The following INO80D variants were observed in gnomAD, a reference collection of about 807,000 sequenced individuals.
The protein encoded by INO80D is INO80 complex subunit D.
INO80D carries 21 observed loss-of-function variants against 87.6 expected under a neutral mutation model. The ratio of observed to expected loss-of-function variants is 0.24; its 90% CI spans 0.17 to 0.35. The LOEUF is 0.35. INO80D is among the 10% of genes least tolerant of loss of function. INO80D has a pLI of 1.00. For synonymous variants in INO80D, 440 were observed against 491.0 expected (o/e 0.90, Z 1.37); for missense variants, 982 against 1,280.7 (o/e 0.77, Z 3.56).
At chr2:206,006,410 C>T (rs1458760333) in intron 10 of INO80D, among the ~76,000 whole-genome samples, 4 of 152,124 alleles carry the variant, frequency 2.6e-5, no homozygotes, top group African/African-American at 9.7e-5. Context: ...CGGCTGGGCG[C>T]GGTGGCTCGT....
Position 206,009,585 on chromosome 2 carries a change from A to G in INO80D, c.1752T>C (p.Ser584=). ...CCAGTGGCACCACTGACCGGATGTGAGAGGCCTCCACTGGCAGTGAGACGC... is the reference window on the plus strand; with the variant it reads ...CCAGTGGCACCACTGACCGGATGTGGGAGGCCTCCACTGGCAGTGAGACGC... ...PASVSLPVEA[S]HIRSPSTPEL... Residue 584 remains serine (S), a synonymous_variant, in exon 9 of 11, where the codon TCT becomes TCC. Transcript: ENST00000403263. The G allele has an allele frequency of 6.2e-7, 1 of 1,611,368 alleles. No homozygotes were observed. Among genetic ancestry groups the G allele is most frequent in the African/African-American group, 1.3e-5 (1 of 74,866 alleles).
intron 1 of INO80D, among the ~76,000 whole-genome samples, chr2:206,083,031 A>C (rs1320610497): frequency 6.6e-6 from 1 of 152,224 alleles, no homozygotes; most frequent in Non-Finnish European, 1.5e-5. Context: ...ACTAACACTT[A>C]ATAATAAAAA....
At position 206,009,670 on chromosome 2, in the gene INO80D, C is replaced by T. The variant is rs754612132; in HGVS notation, c.1667G>A (p.Arg556His). 9 of 1,613,814 alleles carry T rather than the reference C, an allele frequency of 5.6e-6. No individual in the cohort carries two copies. The East Asian group carries it at 6.7e-5, about 12-fold the overall frequency. The change falls in exon 9 of 11, where the codon CGT becomes CAT. Residue 556 changes from arginine (R) to histidine (H), a missense_variant. Physicochemically the swap from Arg to His is conservative, Grantham distance 29. Transcript: ENST00000403263. ...AGGTGGAATGGGTTTTTGGGGTCGA[C>T]GAGGTCCACGCCTTCTCTTCTTCTT... ...KHKKKRRRGP[R>H]RPQKPIPPAV...
At chr2:206,005,566 A>G in intron 10 of INO80D, 33 bp from the exon 11 acceptor site, 1 of 1,486,616 alleles carries the variant, frequency 6.7e-7, no homozygotes, top group Non-Finnish European at 9.2e-7. Context: ...CAATCAGTAG[A>G]GCTTTTACCA....
chr2:206,080,871 C>T (rs571732717), intron 1 of INO80D, among the ~76,000 whole-genome samples: 39 of 133,140 alleles, frequency 2.9e-4, no homozygotes, highest in Middle Eastern at 9.2e-3. Flanking sequence ...CCACTGCACT[C>T]CAGCCTGGGC....
intron 3 of INO80D, among the ~76,000 whole-genome samples, chr2:206,058,076 A>G (rs1425392672): frequency 1.3e-5 from 2 of 152,092 alleles, no homozygotes; most frequent in Admixed American, 6.5e-5. Flanking sequence ...CTGTGTGGGC[A>G]TTGAAAAGTT....
In INO80D at chr2:206,004,344, C is replaced by G. The variant is rs1398384686; in HGVS notation, c.*24G>C. 8.3e-6 allele frequency: 13 copies of G among 1,560,736 alleles called. No homozygotes were observed. Among genetic ancestry groups the G allele is most frequent in the Non-Finnish European group, 1.1e-5 (13 of 1,149,710 alleles). On this transcript the variant is annotated 3_prime_UTR_variant, in exon 11 of 11. Coordinates refer to ENST00000403263, the MANE Select transcript of INO80D (RefSeq NM_017759.5). This position sits in a 1 kb window ranked among gnomAD's most constrained non-coding sequence, Gnocchi z 4.9. ...AGATAGAAAACACTGGGTTCCCCACCTGCCTGCAAACACACAGACACCCTC... is the reference window on the plus strand; with the variant it reads ...AGATAGAAAACACTGGGTTCCCCACGTGCCTGCAAACACACAGACACCCTC...
intron 3 of INO80D, among the ~76,000 whole-genome samples, chr2:206,061,425 T>G (rs997775307): frequency 6.6e-6 from 1 of 152,226 alleles, no homozygotes. Flanking sequence ...GTGTTTACGA[T>G]GGGGCTTGAT....
intron 1 of INO80D, among the ~76,000 whole-genome samples, chr2:206,065,642 C>A (rs988180011): frequency 6.6e-6 from 1 of 152,028 alleles, no homozygotes; most frequent in African/African-American, 2.4e-5. Flanking sequence ...ATTGAACCAA[C>A]AAGGGATTAA....
intron 6 of INO80D, among the ~76,000 whole-genome samples, chr2:206,021,299 T>C (rs1365013946): frequency 6.6e-6 from 1 of 152,188 alleles, no homozygotes; most frequent in Admixed American, 6.5e-5. Context: ...TATAAATACT[T>C]CTACCGTAGT....
At chr2:206,060,633 T>G (rs2105888114) in intron 3 of INO80D, among the ~76,000 whole-genome samples, 1 of 150,736 alleles carries the variant, frequency 6.6e-6, no homozygotes, top group East Asian at 2.0e-4. Context: ...CGATCTCCGC[T>G]CACTGCAACC....
rs961970569 is a variant in INO80D, at chr2:206,062,776, T to G, written c.218+23A>C. The G allele has an allele frequency of 2.6e-6, 4 of 1,567,226 alleles. No individual in the cohort carries two copies. The highest frequency in any genetic ancestry group is 3.5e-6 in the Non-Finnish European group (4 of 1,156,456). On this transcript the variant is annotated intron_variant, in intron 3 of 10. Coordinates refer to ENST00000403263, the MANE Select transcript of INO80D (RefSeq NM_017759.5). This position sits in a 1 kb window ranked among gnomAD's most constrained non-coding sequence, Gnocchi z 4.6. ...CAAGCCTGTTAATGAAATCAAGGAT[T>G]GATTCTCATGATTAGCCCTTACCTA...
intron 5 of INO80D, among the ~76,000 whole-genome samples, chr2:206,030,327 G>A (rs1029044414): frequency 6.6e-6 from 1 of 152,198 alleles, no homozygotes; most frequent in Non-Finnish European, 1.5e-5. Flanking sequence ...CTCAGGTGTA[G>A]TGGTGTATTC....
chr2:206,065,719 T>C (rs1283033190), intron 1 of INO80D, among the ~76,000 whole-genome samples: 1 of 152,076 alleles, frequency 6.6e-6, no homozygotes, highest in Non-Finnish European at 1.5e-5. Flanking sequence ...AATTTTTAAA[T>C]GGGCAAATGA....
At chr2:206,019,650 TC>T in intron 7 of INO80D, 85 bp downstream of exon 7, 1 of 874,320 alleles carries the variant, frequency 1.1e-6, no homozygotes. Context: ...GTTTCAAAAG[TC>T]ATTCACTTGA....
chr2:206,006,492 G>T (rs1488398315), intron 10 of INO80D, among the ~76,000 whole-genome samples: 4 of 151,872 alleles, frequency 2.6e-5, no homozygotes, highest in Non-Finnish European at 5.9e-5. Flanking sequence ...AGACCAGCCT[G>T]ACCAACATGG....
intron 10 of INO80D, 106 bp downstream of exon 10, chr2:206,007,178 C>T (rs1688049155): frequency 4.3e-6 from 4 of 930,970 alleles, no homozygotes; most frequent in Non-Finnish European, 6.6e-6. Context: ...CAGTGAAAGA[C>T]ATTACATGTG....
intron 6 of INO80D, among the ~76,000 whole-genome samples, chr2:206,025,214 AC>A (rs1362053832): frequency 1.3e-5 from 2 of 151,818 alleles, no homozygotes; most frequent in Non-Finnish European, 2.9e-5. Context: ...CTATATATGT[AC>A]TAAAAGTTGT....
chr2:206,033,970 T>G (rs1000793215), intron 5 of INO80D, among the ~76,000 whole-genome samples: 1 of 152,124 alleles, frequency 6.6e-6, no homozygotes, highest in Non-Finnish European at 1.5e-5. Context: ...AACACCTTTA[T>G]GTACATAAAC....
Sources: allele counts gnomAD v4.1 joint callset (sites outside exome capture counted in the v4.1 genomes callset), GRCh38; gene constraint gnomAD v4.1.1; non-coding constraint Gnocchi (gnomAD v3.1); transcripts MANE v1.5; gene names NCBI Gene and HGNC (gene_info 2026-07-23, HGNC 2026-07-21).